The following ERMN variants were observed in gnomAD, a reference collection of about 807,000 sequenced individuals.
The protein encoded by ERMN is ermin, ERM-like protein.
A neutral mutation model predicts 21.4 loss-of-function variants in ERMN; 17 were observed. That is an observed-to-expected ratio of 0.80 (90% CI 0.54 to 1.19). The LOEUF is 1.19. ERMN is among the 50% of genes most tolerant of loss of function. The pLI, the probability that ERMN is intolerant of heterozygous loss-of-function variation, is 0.00. For synonymous variants in ERMN, 115 were observed against 111.9 expected, an observed-to-expected ratio of 1.03 and a Z score of -0.17; for missense variants, 348 against 331.6, an observed-to-expected ratio of 1.05 and a Z score of -0.38.
rs182853694 is a variant in ERMN at position 157,321,131 on chromosome 2, A to G, written c.*140T>C. 1,030 of 1,259,842 alleles carry G rather than the reference A, an allele frequency of 8.2e-4. 2 individuals carry two copies. The highest frequency in any genetic ancestry group is 1.1e-3 in the Admixed American group (43 of 38,302). The allele number at this position is 1,259,842 out of a possible 1,614,324, so 78.0% of individuals were successfully genotyped here. On this transcript the variant is annotated 3_prime_UTR_variant, in exon 3 of 3. Transcript: ENST00000410096. The stretch of plus-strand genomic sequence containing the variant: ...AATTTTTATCTAGGGTTATTTCCAC[A>G]TTATTCTACAGTGAAAAAGAGAGTC...
chr2:157,321,529 A>G lies in ERMN; in HGVS notation c.597T>C (p.Asp199=). 3 of 1,613,918 alleles carry G rather than the reference A, an allele frequency of 1.9e-6. No homozygotes were observed. In the South Asian group the frequency reaches 3.3e-5, roughly 18 times the overall value. The change falls in exon 3 of 3, where the codon GAT becomes GAC. Residue 199 remains aspartate (D), a synonymous_variant. Transcript: ENST00000410096. ...DDDDNCNNDE[D]EVRVIEFKKK... is the part of the protein sequence containing the mutation. ...TCTTAAATTCTATCACTCGAACTTC[A>G]TCTTCATCATTATTGCAATTATCAT...
chr2:157,324,922 A>G (rs1684021963), intron 1 of ERMN, among the ~76,000 whole-genome samples, 160 bp from the exon 2 acceptor site: 1 of 151,922 alleles, frequency 6.6e-6, no homozygotes, highest in South Asian at 2.1e-4. Context: ...TATCAATTCA[A>G]TTTATTTACT....
chr2:157,322,245 C>T lies in ERMN; in HGVS notation c.335-454G>A, dbSNP rs1022861849. On this transcript the variant is annotated intron_variant, in intron 2 of 2. Transcript: ENST00000410096. ...TTTTTCTCACACATACACACACACA[C>T]GCACACACACACACACACACACACA... 7.0e-4 allele frequency among the ~76,000 whole-genome samples: 89 copies of T among 126,326 alleles called. 1 individual carries two copies. The highest frequency in any genetic ancestry group is 1.2e-3 in the South Asian group (5 of 4,318). 82.9% of individuals were successfully genotyped at this position (126,326 alleles called of 152,430 possible). A position where few individuals can be genotyped will look rare whatever the true frequency, so the allele number is the denominator to read the frequency against.
In ERMN at chr2:157,325,649, C is replaced by T. The variant is rs757767520; in HGVS notation, c.-7G>A. On this transcript the variant is annotated 5_prime_UTR_variant, in exon 1 of 3. Coordinates refer to ENST00000410096, the MANE Select transcript of ERMN (RefSeq NM_020711.3). ...TAGCCGGAACATCTGTCATGATGTG[C>T]GGTTGAATCCGATCTGGAGAGAGAG... The T allele has an allele frequency of 1.1e-5, 18 of 1,614,000 alleles. No individual in the cohort carries two copies. The highest frequency in any genetic ancestry group is 6.7e-5 in the East Asian group (3 of 44,900).
upstream of ERMN, among the ~76,000 whole-genome samples, chr2:157,326,509 A>G (rs561295349): frequency 3.3e-4 from 51 of 152,336 alleles, no homozygotes; most frequent in South Asian, 6.0e-3. Context: ...TCCTCCCCCA[A>G]TCAGAATTAC....
intron 2 of ERMN, among the ~76,000 whole-genome samples, chr2:157,323,107 T>C (rs1355248822): frequency 6.6e-6 from 1 of 152,204 alleles, no homozygotes; most frequent in Admixed American, 6.5e-5. Context: ...AGGAAAAACA[T>C]ACTCCATCAA....
chr2:157,319,470 G>A lies in ERMN; in HGVS notation c.*1801C>T, dbSNP rs901971569. 6.6e-6 allele frequency: 1 copy of A among 152,132 alleles called. No homozygotes were observed. The highest frequency in any genetic ancestry group is 2.4e-5 in the African/African-American group (1 of 41,428). The allele number at this position is 152,132 out of a possible 1,614,324, so 9.4% of individuals were successfully genotyped here. A position where few individuals can be genotyped will look rare whatever the true frequency, so the allele number is the denominator to read the frequency against. Reference sequence around the variant, plus strand: ...GATGGTAGGTTAAAAACATGGTCCTGTTATGTGATAGATAACACAATACTG... The same window carrying A: ...GATGGTAGGTTAAAAACATGGTCCTATTATGTGATAGATAACACAATACTG... On this transcript the variant is annotated 3_prime_UTR_variant, in exon 3 of 3. Coordinates refer to ENST00000410096, the MANE Select transcript of ERMN (RefSeq NM_020711.3).
At chr2:157,325,956 C>T, upstream of ERMN, 3 of 1,221,244 alleles carry the variant, frequency 2.5e-6, no homozygotes, top group Middle Eastern at 3.3e-4. Context: ...CATAAACAAA[C>T]AATCTGAAGC....
rs998478439 is a variant in ERMN at position 157,325,668 on chromosome 2, G to A, written c.-26C>T. 1 of 1,613,988 alleles carries A rather than the reference G, an allele frequency of 6.2e-7. No individual in the cohort carries two copies. On this transcript the variant is annotated 5_prime_UTR_variant, in exon 1 of 3. Coordinates refer to ENST00000410096, the MANE Select transcript of ERMN (RefSeq NM_020711.3). ...GATGTGCGGTTGAATCCGATCTGGA[G>A]AGAGAGCTTTAGGGAAACTGAGTGA...
Position 157,319,276 on chromosome 2 carries a change from G to A in ERMN, c.*1995C>T, listed in dbSNP as rs1267347214. On this transcript the variant is annotated 3_prime_UTR_variant, in exon 3 of 3. Transcript: ENST00000410096. ...GTTTCTGTTGACTAAATCTTTCATAGTTCATTCATTGTCTGGTGAGAGCAC... is the reference window on the plus strand; with the variant it reads ...GTTTCTGTTGACTAAATCTTTCATAATTCATTCATTGTCTGGTGAGAGCAC... 1.3e-5 allele frequency: 2 copies of A among 152,152 alleles called. No homozygotes were observed. Among genetic ancestry groups the A allele is most frequent in the Admixed American group, 6.6e-5 (1 of 15,256 alleles). 9.4% of individuals were successfully genotyped at this position (152,152 alleles called of 1,614,324 possible). A position where few individuals can be genotyped will look rare whatever the true frequency, so the allele number is the denominator to read the frequency against.
chr2:157,327,290 T>G, upstream of ERMN: 1 of 577,726 alleles, frequency 1.7e-6, no homozygotes, highest in Non-Finnish European at 3.1e-6. Context: ...CCCTCTCCCT[T>G]GTCCTTGGAA....
In ERMN at chr2:157,325,579, C is replaced by T. The variant is rs759733073; in HGVS notation, c.64G>A (p.Gly22Ser). The change falls in exon 1 of 3, where the codon GGT becomes AGT. Residue 22 changes from glycine to serine, a missense_variant. Gly to Ser is a moderately conservative substitution (Grantham distance 56). Coordinates refer to ENST00000410096, the MANE Select transcript of ERMN (RefSeq NM_020711.3). ...CTGATTTTAGTGATTGTTTGTTGAC[C>T]GTTTTCAGGTGGTTTATCCCCATTA... The part of the protein sequence containing the change: ...ECNGDKPPEN[G>S]QQTITKISEE... 18 of 1,613,906 alleles carry T rather than the reference C, an allele frequency of 1.1e-5. No homozygotes were observed. Among genetic ancestry groups the T allele is most frequent in the Admixed American group, 1.0e-4 (6 of 59,974 alleles).
chr2:157,325,974 C>G, upstream of ERMN: 1 of 1,176,342 alleles, frequency 8.5e-7, no homozygotes, highest in South Asian at 2.6e-5. Context: ...AGCAATCAGG[C>G]TTTTGTGTTG....
chr2:157,327,609 A>C (rs143310506), upstream of ERMN: 14,193 of 672,386 alleles, frequency 0.021, 207 homozygotes, highest in Non-Finnish European at 0.028. Context: ...AGTTTGCAGC[A>C]CAGATGAAGC....
rs1683785366 is a variant in ERMN, at chr2:157,318,751, T to A, written c.*2520A>T. On this transcript the variant is annotated 3_prime_UTR_variant, in exon 3 of 3. Coordinates refer to ENST00000410096, the MANE Select transcript of ERMN (RefSeq NM_020711.3). ...ATGTAGCATTATATGAAAGGTAGAT[T>A]TTATATTGGCAGAGAAATAGAGCTA... The A allele has an allele frequency of 6.6e-6, 1 of 152,062 alleles. No individual in the cohort carries two copies. The highest frequency in any genetic ancestry group is 2.4e-5 in the African/African-American group (1 of 41,404). The allele number at this position is 152,062 out of a possible 1,614,324, so 9.4% of individuals were successfully genotyped here.
chr2:157,325,969 T>A, upstream of ERMN: 1 of 1,193,508 alleles, frequency 8.4e-7, no homozygotes, highest in Non-Finnish European at 1.0e-6. Context: ...TCTGAAGCAA[T>A]CAGGCTTTTG....
intron 2 of ERMN, among the ~76,000 whole-genome samples, chr2:157,323,848 A>G (rs1428466831): frequency 5.3e-5 from 8 of 152,220 alleles, no homozygotes; most frequent in African/African-American, 1.9e-4. Context: ...CTTAAAGAAC[A>G]CAATTAAAAT....
Position 157,321,738 on chromosome 2 carries a change from G to T in ERMN, c.388C>A (p.Gln130Lys). The T allele has an allele frequency of 1.9e-6, 3 of 1,613,404 alleles. No individual in the cohort carries two copies. Among genetic ancestry groups the T allele is most frequent in the Non-Finnish European group, 2.5e-6 (3 of 1,179,888 alleles). Residue 130 changes from glutamine (Q) to lysine (K), a missense_variant, in exon 3 of 3, where the codon CAG (glutamine) becomes AAG (lysine). Coordinates refer to ENST00000410096, the MANE Select transcript of ERMN (RefSeq NM_020711.3). ...GGCTGCTCAGTAATCCTCTCCTTCT[G>T]TCTTCTTATTTCCTGGTTACTGCCA... is the stretch of plus-strand genomic sequence containing the variant. ...LSGSNQEIRR[Q>K]KERITEQPLK...
chr2:157,320,685 G>A lies in ERMN; in HGVS notation c.*586C>T, dbSNP rs1019597109. ...ATCTCCCTCTGAGAGAAGATTCAGT[G>A]AATGGTAACACCTAGGAAGGAGGGC... On this transcript the variant is annotated 3_prime_UTR_variant, in exon 3 of 3. Transcript: ENST00000410096. 3 of 152,350 alleles carry A rather than the reference G, an allele frequency of 2.0e-5. No individual in the cohort carries two copies. The highest frequency in any genetic ancestry group is 4.8e-5 in the African/African-American group (2 of 41,454). The allele number at this position is 152,350 out of a possible 1,614,324, so 9.4% of individuals were successfully genotyped here.
Sources: allele counts gnomAD v4.1 joint callset (sites outside exome capture counted in the v4.1 genomes callset), GRCh38; gene constraint gnomAD v4.1.1; transcripts MANE v1.5; gene names NCBI Gene and HGNC (gene_info 2026-07-23, HGNC 2026-07-21).